Variants in SYNPO2 observed in about 807,000 individuals in gnomAD.
SYNPO2 encodes the protein synaptopodin-2.
In SYNPO2, 56 loss-of-function variants were observed where a neutral mutation model predicts 85.0. The ratio of observed to expected loss-of-function variants is 0.66; its 90% CI spans 0.53 to 0.82. The LOEUF is 0.82. SYNPO2 is among the 40% of genes least tolerant of loss of function. The probability of loss-of-function intolerance (pLI) is 0.00; values close to 1 mark genes in which losing one functional copy is unlikely to be tolerated. For missense variants in SYNPO2, 1,575 were observed against 1,534.2 expected (o/e 1.03, Z -0.44); for synonymous variants, 602 against 591.1 (o/e 1.02, Z -0.27).
chr4:118,879,087 C>T (rs903817678), intron 1 of SYNPO2, among the ~76,000 whole-genome samples: 9 of 152,110 alleles, frequency 5.9e-5, no homozygotes, highest in Non-Finnish European at 1.0e-4. Context: ...TAAGGTGTGC[C>T]ACTTCACTCC....
At chr4:118,988,460 C>T (rs1476373045) in intron 1 of SYNPO2, among the ~76,000 whole-genome samples, 2 of 152,094 alleles carry the variant, frequency 1.3e-5, no homozygotes, top group Non-Finnish European at 1.5e-5. Flanking sequence ...TTGAGCAAAA[C>T]CTAACTCTAA....
chr4:118,944,159 T>A (rs1020280591), intron 1 of SYNPO2, among the ~76,000 whole-genome samples: 1 of 152,102 alleles, frequency 6.6e-6, no homozygotes, highest in Non-Finnish European at 1.5e-5. Flanking sequence ...AGGCTTAATC[T>A]AGGATGGCTT....
intron 1 of SYNPO2, among the ~76,000 whole-genome samples, chr4:119,015,683 C>T (rs114243375): frequency 0.011 from 1,725 of 152,222 alleles, 41 homozygotes; most frequent in African/African-American, 0.039. Context: ...AAAGATATCA[C>T]GTGTTCTTCT....
intron 1 of SYNPO2, among the ~76,000 whole-genome samples, chr4:118,954,509 CAA>C (rs1734803647): frequency 6.6e-6 from 1 of 152,144 alleles, no homozygotes; most frequent in Non-Finnish European, 1.5e-5. Flanking sequence ...CAGTTTTAGG[CAA>C]AGTCTTGACT....
At chr4:119,006,929 C>A (rs111955730) in intron 1 of SYNPO2, among the ~76,000 whole-genome samples, 229 of 151,898 alleles carry the variant, frequency 1.5e-3, no homozygotes, top group African/African-American at 5.4e-3. Flanking sequence ...TAAATTACCT[C>A]ATATTTCTTC....
intron 1 of SYNPO2, among the ~76,000 whole-genome samples, chr4:118,889,831 T>C (rs552869523): frequency 5.3e-5 from 8 of 152,360 alleles, no homozygotes; most frequent in Admixed American, 1.3e-4. Flanking sequence ...TAATAACTAT[T>C]TAAAATGCTT....
intron 1 of SYNPO2, chr4:118,850,963 A>G: frequency 2.5e-6 from 1 of 398,634 alleles, no homozygotes. Flanking sequence ...GCAGAGATGA[A>G]TGGTGTCCTC....
intron 1 of SYNPO2, among the ~76,000 whole-genome samples, chr4:118,882,459 A>G (rs1222961087): frequency 1.3e-5 from 2 of 152,262 alleles, no homozygotes; most frequent in African/African-American, 2.4e-5. Context: ...ATAAAATAGC[A>G]AAACTATAGT....
chr4:118,987,877 G>A (rs1165074270), intron 1 of SYNPO2, among the ~76,000 whole-genome samples: 1 of 152,066 alleles, frequency 6.6e-6, no homozygotes, highest in African/African-American at 2.4e-5. Context: ...TATAAGATGT[G>A]TATAATCATT....
In SYNPO2 at chr4:118,863,722, C is replaced by T. The variant is rs532535866; in HGVS notation, c.12+12782C>T. 7.2e-5 allele frequency among the ~76,000 whole-genome samples: 11 copies of T among 152,044 alleles called. No individual in the cohort carries two copies. The South Asian group carries it at 2.3e-3, about 32-fold the overall frequency. ...CACCTCCCAGGTTCAAGCAATTCTC[C>T]TGCCTCAGTCTTCCCAGTAGCTGGG... On this transcript the variant is annotated intron_variant, in intron 1 of 4. Coordinates refer to the SYNPO2 transcript ENST00000610556.
rs553428037 is a variant in SYNPO2 at position 119,019,639 on chromosome 4, C to A, written c.106-3791C>A. 2.7e-3 allele frequency among the ~76,000 whole-genome samples: 415 copies of A among 152,298 alleles called. 2 individuals are homozygous for A. The highest frequency in any genetic ancestry group is 9.8e-3 in the African/African-American group (407 of 41,560). On this transcript the variant is annotated intron_variant, in intron 1 of 4. Coordinates refer to ENST00000307142, the MANE Select transcript of SYNPO2 (RefSeq NM_133477.3). ...TTTGAGCTGTAGGTACATCATGGAA[C>A]TTTACACACATTATTTCTAATCCTG...
chr4:119,057,271 G>C, intron 4 of SYNPO2, 130 bp from the exon 5 acceptor site: 1 of 1,069,758 alleles, frequency 9.3e-7, no homozygotes, highest in Non-Finnish European at 1.3e-6. Flanking sequence ...AAGCATTCTG[G>C]GGGGTTAATT....
rs1239010485 is a variant in SYNPO2, at chr4:119,026,791, C to T, written c.422C>T (p.Pro141Leu). The T allele has an allele frequency of 7.5e-6, 12 of 1,603,286 alleles. No individual in the cohort carries two copies. The highest frequency in any genetic ancestry group is 9.4e-6 in the Non-Finnish European group (11 of 1,175,376). ...FFLAPVKTEV[P>L]LAENQRSGPD... The stretch of plus-strand genomic sequence containing the variant: ...CTCGCCCCTGTCAAGACTGAAGTTC[C>T]CCTAGCTGAGAACCAAAGAAGTGGT... Residue 141 changes from proline to leucine, a missense_variant, in exon 3 of 5, where the codon CCC (proline) becomes CTC (leucine). Around this residue, in one of 3 missense-constraint regions of SYNPO2, gnomAD observed 1,508 missense variants for 1,446.8 expected, o/e 1.04. Coordinates refer to ENST00000307142, the MANE Select transcript of SYNPO2 (RefSeq NM_133477.3).
At position 119,030,341 on chromosome 4, in the gene SYNPO2, A is replaced by G; in HGVS notation, c.1566A>G (p.Gln522=). The G allele has an allele frequency of 6.2e-7, 1 of 1,614,164 alleles. No individual in the cohort carries two copies. Among genetic ancestry groups the G allele is most frequent in the Non-Finnish European group, 8.5e-7 (1 of 1,180,032 alleles). The change falls in exon 4 of 5, where the codon CAA becomes CAG. Residue 522 remains glutamine (Q), a synonymous_variant. Transcript: ENST00000307142. ...TAGGTGGAACGCCAAGCAGAGAACA[A>G]GATGCTGCCCAGACCGATGGCCTGA... is the stretch of plus-strand genomic sequence containing the variant. ...DKVGGTPSRE[Q]DAAQTDGLRT...
At chr4:118,909,928 A>G (rs532664653) in intron 1 of SYNPO2, among the ~76,000 whole-genome samples, 1 of 152,360 alleles carries the variant, frequency 6.6e-6, no homozygotes, top group South Asian at 2.1e-4. Flanking sequence ...AGTGGCATTT[A>G]CTGATCATTC....
chr4:119,022,091 T>C lies in SYNPO2; in HGVS notation c.106-1339T>C, dbSNP rs190138221. On this transcript the variant is annotated intron_variant, in intron 1 of 4. Coordinates refer to ENST00000307142, the MANE Select transcript of SYNPO2 (RefSeq NM_133477.3). ...GGAGTAGCTGATTTCAATGAAGCAT[T>C]TCTCTCTTTGACATATTCCCTAATA... 1.3e-3 allele frequency among the ~76,000 whole-genome samples: 202 copies of C among 152,280 alleles called. 2 individuals are homozygous for C. Among genetic ancestry groups the C allele is most frequent in the Non-Finnish European group, 2.1e-4 (14 of 68,010 alleles).
chr4:119,037,280 C>T lies in SYNPO2; in HGVS notation c.3252+5253C>T, dbSNP rs1738554973. 1.5e-5 allele frequency: 21 copies of T among 1,367,034 alleles called. No individual in the cohort carries two copies. The South Asian group carries it at 3.6e-4, about 23-fold the overall frequency. The allele number at this position is 1,367,034 out of a possible 1,614,324, so 84.7% of individuals were successfully genotyped here. The stretch of plus-strand genomic sequence containing the variant: ...TATTTCTTGGGCTCCTTAATAACTA[C>T]TGATGGTTTGTTCATGAAAAAAAAT... On this transcript the variant is annotated intron_variant, in intron 4 of 4. Coordinates refer to ENST00000307142, the MANE Select transcript of SYNPO2 (RefSeq NM_133477.3).
chr4:118,969,503 C>A lies in SYNPO2; in HGVS notation c.106-53927C>A, dbSNP rs78366160. Among the ~76,000 whole-genome samples the A allele has an allele frequency of 5.4e-3, 815 of 152,274 alleles. 13 individuals carry two copies. Among genetic ancestry groups the A allele is most frequent in the African/African-American group, 0.017 (711 of 41,562 alleles). On this transcript the variant is annotated intron_variant, in intron 1 of 4. Transcript: ENST00000307142. ...TCTGCTGCTCTGAGGAGGTGTGGAGCGCCAGTCTTTTATATCCCATTGGAG... is the reference window on the plus strand; with the variant it reads ...TCTGCTGCTCTGAGGAGGTGTGGAGAGCCAGTCTTTTATATCCCATTGGAG...
chr4:118,937,249 A>G (rs1015641512), intron 1 of SYNPO2, among the ~76,000 whole-genome samples: 4 of 152,158 alleles, frequency 2.6e-5, no homozygotes, highest in South Asian at 2.1e-4. Context: ...TCTATTGCTC[A>G]GTACATTTCA....
Sources: gnomAD v4.1 joint callset for allele counts (sites outside exome capture counted in the v4.1 genomes callset) on GRCh38, gnomAD v4.1.1 for gene constraint, gnomAD v4.1.1 regional missense constraint, MANE v1.5 for transcripts, NCBI Gene and HGNC (gene_info 2026-07-23, HGNC 2026-07-21) for gene names.